Variants in TENM2 observed in about 807,000 individuals in gnomAD.
TENM2 encodes the protein teneurin transmembrane protein 2.
TENM2 carries 52 observed loss-of-function variants against 245.2 expected under a neutral mutation model. That is an observed-to-expected ratio of 0.21 (90% confidence interval 0.17 to 0.27). The LOEUF (loss-of-function observed/expected upper bound fraction) is 0.27, where lower values mean the gene tolerates loss of function less well. TENM2 is among the 10% of genes least tolerant of loss of function. The probability of loss-of-function intolerance (pLI) is 1.00; values close to 1 mark genes in which losing one functional copy is unlikely to be tolerated. For synonymous variants in TENM2, 1,363 were observed against 1,438.9 expected, an observed-to-expected ratio of 0.95 and a Z score of 1.19; for missense variants, 3,046 against 3,666.8, an observed-to-expected ratio of 0.83 and a Z score of 4.37.
intron 2 of TENM2, among the ~76,000 whole-genome samples, chr5:167,705,435 A>G (rs1199771013): frequency 6.6e-6 from 1 of 152,146 alleles, no homozygotes; most frequent in East Asian, 1.9e-4. Flanking sequence ...GTTGATCTGG[A>G]TGGAACTTTA....
intron 4 of TENM2, among the ~76,000 whole-genome samples, chr5:167,964,878 A>G (rs538473803): frequency 6.6e-6 from 1 of 152,342 alleles, no homozygotes; most frequent in East Asian, 1.9e-4. Flanking sequence ...CTCGAGAACA[A>G]TTAAAAGTCA....
chr5:167,360,327 T>C (rs1759629558), intron 1 of TENM2, among the ~76,000 whole-genome samples: 1 of 152,238 alleles, frequency 6.6e-6, no homozygotes, highest in African/African-American at 2.4e-5. Context: ...GGGCTTGATC[T>C]ACTTTGTTTG....
chr5:167,142,211 G>T, the TENM2 span, among the ~76,000 whole-genome samples: 23 of 152,142 alleles, frequency 1.5e-4, no homozygotes, highest in Admixed American at 7.2e-4. Context: ...TTTTGGGGTT[G>T]CAGTCTAACC....
In TENM2 at chr5:167,616,368, T is replaced by A. The variant is rs531374150; in HGVS notation, c.502+240895T>A. 2.0e-5 allele frequency among the ~76,000 whole-genome samples: 3 copies of A among 152,266 alleles called. No homozygotes were observed. In the South Asian group the frequency reaches 6.2e-4, roughly 32 times the overall value. On this transcript the variant is annotated intron_variant, in intron 2 of 28. Transcript: ENST00000518659. ...ACTGATCACTTTATTGCACTTTGTT[T>A]ATAGCATTCTTGCCATTTGTAGAGA...
At chr5:168,149,260 G>T (rs777926594) in intron 12 of TENM2, among the ~76,000 whole-genome samples, 1 of 152,070 alleles carries the variant, frequency 6.6e-6, no homozygotes, top group Non-Finnish European at 1.5e-5. Flanking sequence ...GTCCTGATGC[G>T]GCACGATGCT....
chr5:167,017,345 G>T, the TENM2 span, among the ~76,000 whole-genome samples: 30 of 152,262 alleles, frequency 2.0e-4, no homozygotes, highest in Admixed American at 3.3e-4. Context: ...TCTGTGTAAC[G>T]TTGGACAAGT....
intron 10 of TENM2, among the ~76,000 whole-genome samples, chr5:168,119,358 G>C (rs1795312118): frequency 6.6e-6 from 1 of 152,206 alleles, no homozygotes; most frequent in Admixed American, 6.5e-5. Context: ...CAGGAACAGG[G>C]AGAAAGAGCA....
intron 4 of TENM2, among the ~76,000 whole-genome samples, chr5:167,961,520 A>G (rs574034851): frequency 3.3e-5 from 5 of 152,358 alleles, no homozygotes; most frequent in African/African-American, 1.2e-4. Flanking sequence ...GAAGAAGAAG[A>G]AAGGAAGGAA....
At chr5:167,726,158 T>C (rs1053171193) in intron 2 of TENM2, among the ~76,000 whole-genome samples, 1 of 151,980 alleles carries the variant, frequency 6.6e-6, no homozygotes, top group African/African-American at 2.4e-5. Flanking sequence ...ACTCAAGAAA[T>C]GTTTCTTGAA....
At chr5:167,179,390 T>TA in the TENM2 span, among the ~76,000 whole-genome samples, 2 of 152,340 alleles carry the variant, frequency 1.3e-5, no homozygotes, top group East Asian at 3.9e-4. Flanking sequence ...TCAAGTCGTA[T>TA]AATTATTGTA....
chr5:168,193,757 T>C (rs1761148862), intron 14 of TENM2, among the ~76,000 whole-genome samples: 1 of 152,236 alleles, frequency 6.6e-6, no homozygotes, highest in Non-Finnish European at 1.5e-5. Context: ...TCACTGATTT[T>C]AAAGTAGTGT....
chr5:167,312,755 A>C (rs548406635), intron 1 of TENM2, among the ~76,000 whole-genome samples: 2 of 151,890 alleles, frequency 1.3e-5, no homozygotes, highest in Admixed American at 1.3e-4. Context: ...TTTCATAACT[A>C]TCTCTTTAGT....
At chr5:167,948,657 C>A (rs1268700529) in intron 3 of TENM2, among the ~76,000 whole-genome samples, 1 of 152,150 alleles carries the variant, frequency 6.6e-6, no homozygotes, top group Admixed American at 6.5e-5. Context: ...TGCCTTTTGT[C>A]TACTAATAGC....
chr5:167,123,047 C>T, the TENM2 span, among the ~76,000 whole-genome samples: 213 of 151,924 alleles, frequency 1.4e-3, 2 homozygotes, highest in African/African-American at 4.8e-3. Flanking sequence ...CCTGTAATCC[C>T]GGCACTTTGG....
chr5:167,666,967 A>G (rs891404391), intron 2 of TENM2, among the ~76,000 whole-genome samples: 1 of 152,220 alleles, frequency 6.6e-6, no homozygotes, highest in Non-Finnish European at 1.5e-5. Context: ...TCTCAGCAAT[A>G]TAACTAGGAC....
intron 3 of TENM2, among the ~76,000 whole-genome samples, chr5:167,929,045 AAAAG>A (rs60967021): frequency 2.3e-5 from 3 of 131,886 alleles, no homozygotes; most frequent in South Asian, 2.4e-4. Flanking sequence ...AAGAAAAGAA[AAAAG>A]AAAGAAAGAG....
the TENM2 span, among the ~76,000 whole-genome samples, chr5:166,989,619 C>T: frequency 6.0e-5 from 9 of 150,974 alleles, no homozygotes; most frequent in African/African-American, 1.5e-4. Context: ...CTTGAACTCC[C>T]GACCTCACGT....
intron 9 of TENM2, among the ~76,000 whole-genome samples, chr5:168,115,408 G>GGAAGGAAGGAAGGAAGGAAA (rs1458782856): frequency 4.0e-4 from 49 of 122,866 alleles, no homozygotes; most frequent in Non-Finnish European, 6.3e-4. Context: ...AAGGAAGGAA[G>GGAAGGAAGGAAGGAAGGAAA]GGAAAGGAAA....
At chr5:168,160,253 C>A (rs964071775) in intron 12 of TENM2, among the ~76,000 whole-genome samples, 1 of 152,224 alleles carries the variant, frequency 6.6e-6, no homozygotes, top group Non-Finnish European at 1.5e-5. Context: ...TTTGTTCCTG[C>A]AGAAATGTTT....
Sources: gnomAD v4.1 joint callset for allele counts (sites outside exome capture counted in the v4.1 genomes callset) on GRCh38, gnomAD v4.1.1 for gene constraint, MANE v1.5 for transcripts, NCBI Gene and HGNC (gene_info 2026-07-23, HGNC 2026-07-21) for gene names.